The following TMEM170B variants were observed in gnomAD, a reference collection of about 807,000 sequenced individuals.
The protein encoded by TMEM170B is transmembrane protein 170B.
In TMEM170B, 6 loss-of-function variants were observed where a neutral mutation model predicts 13.0. That is an observed-to-expected ratio of 0.46 (90% CI 0.25 to 0.91). The LOEUF is 0.91. TMEM170B is among the 40% of genes least tolerant of loss of function. The probability of loss-of-function intolerance (pLI) is 0.17; values close to 1 mark genes in which losing one functional copy is unlikely to be tolerated. For synonymous variants in TMEM170B, 61 were observed against 64.9 expected (o/e 0.94, Z 0.29); for missense variants, 138 against 165.2 (o/e 0.84, Z 0.90).
At chr6:11,565,122 A>G (rs73357856) in intron 1 of TMEM170B, among the ~76,000 whole-genome samples, 1,648 of 151,562 alleles carry the variant, frequency 0.011, 40 homozygotes, top group African/African-American at 0.037. Context: ...TGGATAAGGA[A>G]CACTAAGATG....
At chr6:11,568,297 T>C (rs1456452216) in intron 2 of TMEM170B, among the ~76,000 whole-genome samples, 6 of 152,140 alleles carry the variant, frequency 3.9e-5, no homozygotes, top group South Asian at 2.1e-4. Flanking sequence ...TAGTTATTCA[T>C]TGTGGTGGCA....
chr6:11,551,823 G>A (rs1190559284), intron 1 of TMEM170B, among the ~76,000 whole-genome samples: 1 of 152,162 alleles, frequency 6.6e-6, no homozygotes, highest in Non-Finnish European at 1.5e-5. Flanking sequence ...TTCATGGGAG[G>A]GTAGAGAGGC....
At chr6:11,557,148 T>C (rs1759601361) in intron 1 of TMEM170B, among the ~76,000 whole-genome samples, 1 of 152,264 alleles carries the variant, frequency 6.6e-6, no homozygotes, top group Middle Eastern at 3.2e-3. Context: ...TGCCTGCTCT[T>C]GTGCTTTACC....
chr6:11,564,106 G>A (rs750239587), intron 1 of TMEM170B, among the ~76,000 whole-genome samples: 2 of 152,106 alleles, frequency 1.3e-5, no homozygotes, highest in African/African-American at 2.4e-5. Flanking sequence ...TAATTTTTCC[G>A]TTGTATGTGT....
intron 1 of TMEM170B, among the ~76,000 whole-genome samples, chr6:11,540,302 C>A (rs956770323): frequency 6.6e-6 from 1 of 152,218 alleles, no homozygotes; most frequent in African/African-American, 2.4e-5. Context: ...GTAGAACTTT[C>A]AAAATTGGAG....
intron 1 of TMEM170B, among the ~76,000 whole-genome samples, chr6:11,564,455 G>A (rs568207040): frequency 3.9e-5 from 6 of 152,148 alleles, no homozygotes; most frequent in Non-Finnish European, 7.4e-5. Flanking sequence ...ACAATTGATA[G>A]TGACTACCTA....
intron 1 of TMEM170B, among the ~76,000 whole-genome samples, 190 bp downstream of exon 1, chr6:11,538,564 C>T (rs922366113): frequency 2.6e-5 from 4 of 152,090 alleles, no homozygotes; most frequent in South Asian, 2.1e-4. Context: ...GCTCCCGCCA[C>T]CCCCTTCCCT....
chr6:11,547,081 T>A (rs755100188), intron 1 of TMEM170B, among the ~76,000 whole-genome samples: 1 of 152,212 alleles, frequency 6.6e-6, no homozygotes, highest in Non-Finnish European at 1.5e-5. Context: ...AAAGTGAAAC[T>A]GCAGATAAAC....
At chr6:11,559,586 G>A (rs1031176817) in intron 1 of TMEM170B, among the ~76,000 whole-genome samples, 2 of 152,138 alleles carry the variant, frequency 1.3e-5, no homozygotes, top group Non-Finnish European at 1.5e-5. Context: ...ATATTTTGCC[G>A]ACCCTTGATC....
Position 11,577,585 on chromosome 6 carries a change from T to C in TMEM170B, c.*2024T>C, listed in dbSNP as rs1759896138. 6.6e-6 allele frequency: 1 copy of C among 152,128 alleles called. No homozygotes were observed. Among genetic ancestry groups the C allele is most frequent in the African/African-American group, 2.4e-5 (1 of 41,448 alleles). The allele number at this position is 152,128 out of a possible 1,614,324, so 9.4% of individuals were successfully genotyped here. A position where few individuals can be genotyped will look rare whatever the true frequency, so the allele number is the denominator to read the frequency against. On this transcript the variant is annotated 3_prime_UTR_variant, in exon 3 of 3. Transcript: ENST00000379426. ...ATACTTATTTTAACATATGTTTATT[T>C]TATGATTTAAGAAAGTTATGGTAAA... is the stretch of plus-strand genomic sequence containing the variant.
intron 2 of TMEM170B, among the ~76,000 whole-genome samples, chr6:11,571,979 A>C (rs1294003407): frequency 6.6e-6 from 1 of 152,184 alleles, no homozygotes; most frequent in Non-Finnish European, 1.5e-5. Flanking sequence ...AATCAGATAG[A>C]TAATATCTCT....
chr6:11,569,278 C>T (rs1218832637), intron 2 of TMEM170B, among the ~76,000 whole-genome samples: 3 of 151,984 alleles, frequency 2.0e-5, no homozygotes, highest in South Asian at 2.1e-4. Flanking sequence ...ATATCATTTA[C>T]GGAGCAGAAA....
chr6:11,568,539 A>AT (rs1353795436), intron 2 of TMEM170B, among the ~76,000 whole-genome samples: 1 of 152,206 alleles, frequency 6.6e-6, no homozygotes, highest in Non-Finnish European at 1.5e-5. Context: ...TATATAACCC[A>AT]TTTTCAATTC....
At chr6:11,538,790 C>T (rs1031995907) in intron 1 of TMEM170B, among the ~76,000 whole-genome samples, 1 of 152,228 alleles carries the variant, frequency 6.6e-6, no homozygotes. Context: ...TTCTTTCTGG[C>T]AAATCTCAAG....
chr6:11,579,437 C>G lies in TMEM170B; in HGVS notation c.*3876C>G, dbSNP rs1356715405. The G allele has an allele frequency of 6.6e-6, 1 of 152,136 alleles. No homozygotes were observed. Among genetic ancestry groups the G allele is most frequent in the African/African-American group, 2.4e-5 (1 of 41,444 alleles). The allele number at this position is 152,136 out of a possible 1,614,324, so 9.4% of individuals were successfully genotyped here. A position where few individuals can be genotyped will look rare whatever the true frequency, so the allele number is the denominator to read the frequency against. ...TCACAGTAAATGATCAACTGATAGTCTCTAGAATTTTTTTAAATTACATTT... is the reference window on the plus strand; with the variant it reads ...TCACAGTAAATGATCAACTGATAGTGTCTAGAATTTTTTTAAATTACATTT... On this transcript the variant is annotated 3_prime_UTR_variant, in exon 3 of 3. Coordinates refer to ENST00000379426, the MANE Select transcript of TMEM170B (RefSeq NM_001100829.3).
In TMEM170B at chr6:11,538,341, T is replaced by TG. The variant is rs762995290; in HGVS notation, c.67dup (p.Ala23GlyfsTer43). On this transcript the variant is annotated frameshift_variant, in exon 1 of 3. Coordinates refer to ENST00000379426, the MANE Select transcript of TMEM170B (RefSeq NM_001100829.3). LOFTEE classifies it high-confidence loss of function. ...GTCGGTGCAGCAGGTCCTGAGCCTC[T>TG]GGGCCCACGGGACGGTGCTGAGGAA... 1.3e-6 allele frequency: 2 copies of TG among 1,509,212 alleles called. No homozygotes were observed. Among genetic ancestry groups the TG allele is most frequent in the Non-Finnish European group, 1.8e-6 (2 of 1,133,304 alleles). The allele number at this position is 1,509,212 out of a possible 1,614,324, so 93.5% of individuals were successfully genotyped here. A position where few individuals can be genotyped will look rare whatever the true frequency, so the allele number is the denominator to read the frequency against.
At chr6:11,568,213 A>G (rs2113779725) in intron 2 of TMEM170B, among the ~76,000 whole-genome samples, 1 of 152,302 alleles carries the variant, frequency 6.6e-6, no homozygotes, top group East Asian at 1.9e-4. Flanking sequence ...CCAGGTTCTG[A>G]ACTAGAGTAA....
At chr6:11,552,219 T>C (rs1042681514) in intron 1 of TMEM170B, among the ~76,000 whole-genome samples, 4 of 152,256 alleles carry the variant, frequency 2.6e-5, no homozygotes, top group Non-Finnish European at 5.9e-5. Context: ...CTTAACGATG[T>C]ATAATAGTTA....
In TMEM170B at chr6:11,576,213, A is replaced by G. The variant is rs1759872390; in HGVS notation, c.*652A>G. On this transcript the variant is annotated 3_prime_UTR_variant, in exon 3 of 3. Coordinates refer to ENST00000379426, the MANE Select transcript of TMEM170B (RefSeq NM_001100829.3). ...GAAGACTAGCTCAACTGTTTTAAGA[A>G]CTCAGAGTAGCTCTATAGGGTGCAT... The G allele has an allele frequency of 6.6e-6, 1 of 152,196 alleles. No homozygotes were observed. The highest frequency in any genetic ancestry group is 1.5e-5 in the Non-Finnish European group (1 of 68,050). 9.4% of individuals were successfully genotyped at this position (152,196 alleles called of 1,614,324 possible).
Sources: gnomAD v4.1 joint callset for allele counts (sites outside exome capture counted in the v4.1 genomes callset) on GRCh38, gnomAD v4.1.1 for gene constraint, MANE v1.5 for transcripts, NCBI Gene and HGNC (gene_info 2026-07-23, HGNC 2026-07-21) for gene names.